The following TMC1 variants were observed in gnomAD, a reference collection of about 807,000 sequenced individuals.
The protein encoded by TMC1 is transmembrane channel like 1, also known as transmembrane channel-like protein 1.
A neutral mutation model predicts 105.8 loss-of-function variants in TMC1; 84 were observed. The observed-to-expected ratio is 0.79, with a 90% CI of 0.67 to 0.95. TMC1 has a LOEUF of 0.95. Ranked by LOEUF, TMC1 falls within the 40% of genes least tolerant of loss-of-function variation. The pLI is 0.00. For synonymous variants in TMC1, 315 were observed against 311.5 expected, an observed-to-expected ratio of 1.01 and a Z score of -0.12; for missense variants, 817 against 914.1, an observed-to-expected ratio of 0.89 and a Z score of 1.37.
chr9:72,733,994 A>C (rs1564520622), intron 8 of TMC1, among the ~76,000 whole-genome samples: 1 of 152,198 alleles, frequency 6.6e-6, no homozygotes, highest in Non-Finnish European at 1.5e-5. Context: ...GGTTACTGGA[A>C]CATAAGCATT....
At chr9:72,692,772 C>T (rs1196679971) in intron 6 of TMC1, among the ~76,000 whole-genome samples, 1 of 152,022 alleles carries the variant, frequency 6.6e-6, no homozygotes, top group African/African-American at 2.4e-5. Context: ...AACAGAAACT[C>T]GTTCTTGATT....
rs11378545 is a variant in TMC1 at position 72,700,275 on chromosome 9, G to GA, written c.237-236dup. On this transcript the variant is annotated intron_variant, in intron 7 of 23. Coordinates refer to ENST00000297784, the MANE Select transcript of TMC1 (RefSeq NM_138691.3). Reference sequence around the variant, plus strand: ...TCAAAAAAAAAAAAAGAAAAGAAAAGAAAAAAACAGAATGGCTTAGATTCA... The same window carrying GA: ...TCAAAAAAAAAAAAAGAAAAGAAAAGAAAAAAAACAGAATGGCTTAGATTCA... Among the ~76,000 whole-genome samples the GA allele has an allele frequency of 3.9e-3, 588 of 150,592 alleles. 6 individuals are homozygous for GA. The highest frequency in any genetic ancestry group is 0.014 in the African/African-American group (566 of 41,058).
At chr9:72,683,664 T>C (rs1826325534) in intron 5 of TMC1, among the ~76,000 whole-genome samples, 1 of 144,378 alleles carries the variant, frequency 6.9e-6, no homozygotes, top group African/African-American at 2.5e-5. Context: ...AATTTCACTT[T>C]ATCTTAAAAG....
chr9:72,830,014 G>A (rs1360761164), intron 21 of TMC1, among the ~76,000 whole-genome samples: 9 of 152,176 alleles, frequency 5.9e-5, no homozygotes, highest in African/African-American at 9.7e-5. Context: ...GCCAAAGGAC[G>A]AAATTTAAGG....
chr9:72,651,013 T>A (rs963798055), intron 5 of TMC1, among the ~76,000 whole-genome samples: 29 of 146,740 alleles, frequency 2.0e-4, no homozygotes, highest in Admixed American at 5.5e-4. Context: ...ACATAAGACA[T>A]AATCTCGTTC....
intron 19 of TMC1, 45 bp from the exon 20 acceptor site, chr9:72,820,797 T>C: frequency 6.2e-7 from 1 of 1,612,448 alleles, no homozygotes; most frequent in Non-Finnish European, 8.5e-7. Flanking sequence ...GACTTTGTTA[T>C]GGAGTAAAGA....
chr9:72,524,253 T>A (rs1292573108), intron 1 of TMC1, among the ~76,000 whole-genome samples: 1 of 152,192 alleles, frequency 6.6e-6, no homozygotes, highest in Non-Finnish European at 1.5e-5. Context: ...TGTAGAAATT[T>A]GTGCCTTTAT....
At chr9:72,597,295 G>A (rs1194904219) in intron 2 of TMC1, among the ~76,000 whole-genome samples, 1 of 152,198 alleles carries the variant, frequency 6.6e-6, no homozygotes, top group Non-Finnish European at 1.5e-5. Flanking sequence ...CCATGCCCTT[G>A]CCAAGCAGGT....
intron 1 of TMC1, among the ~76,000 whole-genome samples, chr9:72,576,162 C>T (rs1824376358): frequency 1.3e-5 from 2 of 152,290 alleles, no homozygotes; most frequent in African/African-American, 4.8e-5. Context: ...CTCTAGAAAA[C>T]AGCTCTAATG....
chr9:72,790,376 C>G (rs926969895), intron 15 of TMC1, among the ~76,000 whole-genome samples: 1 of 152,058 alleles, frequency 6.6e-6, no homozygotes, highest in South Asian at 2.1e-4. Flanking sequence ...ATTTTAAAGA[C>G]TTTAATATAC....
chr9:72,544,388 C>T (rs1047518913), intron 1 of TMC1, among the ~76,000 whole-genome samples: 5 of 152,012 alleles, frequency 3.3e-5, no homozygotes, highest in Non-Finnish European at 5.9e-5. Context: ...TTCAAACACC[C>T]CACATTCTTT....
intron 1 of TMC1, among the ~76,000 whole-genome samples, chr9:72,526,765 C>T (rs1372936519): frequency 6.6e-6 from 1 of 152,114 alleles, no homozygotes; most frequent in Admixed American, 6.5e-5. Context: ...AGAGCACCAC[C>T]CCCTGCTTCT....
intron 13 of TMC1, among the ~76,000 whole-genome samples, chr9:72,773,063 A>G (rs1389405253): frequency 6.6e-6 from 1 of 152,170 alleles, no homozygotes; most frequent in Non-Finnish European, 1.5e-5. Flanking sequence ...TCAACTGTAT[A>G]ATCATGGTTT....
At chr9:72,615,102 C>G (rs181265785) in intron 2 of TMC1, among the ~76,000 whole-genome samples, 108 of 152,242 alleles carry the variant, frequency 7.1e-4, no homozygotes, top group African/African-American at 2.5e-3. Context: ...CAACATTAAA[C>G]CAAAATTAAA....
intron 8 of TMC1, among the ~76,000 whole-genome samples, chr9:72,736,855 T>A (rs1182092382): frequency 6.6e-6 from 1 of 152,142 alleles, no homozygotes; most frequent in African/African-American, 2.4e-5. Flanking sequence ...AAAATGGGGA[T>A]AGGCACACAA....
rs137913815 is a variant in TMC1, at chr9:72,804,922, A to T, written c.1567-460A>T. ...TTCTTCTGTGAATTTTTAATTTGTG[A>T]CTTTTGCTGGTTTCTTTCTTTATTG... On this transcript the variant is annotated intron_variant, in intron 17 of 23. Coordinates refer to ENST00000297784, the MANE Select transcript of TMC1 (RefSeq NM_138691.3). Among the ~76,000 whole-genome samples the T allele has an allele frequency of 5.7e-3, 870 of 152,208 alleles. 6 individuals are homozygous for T. Among genetic ancestry groups the T allele is most frequent in the African/African-American group, 0.02 (833 of 41,514 alleles).
intron 5 of TMC1, among the ~76,000 whole-genome samples, chr9:72,654,981 C>T (rs754739909): frequency 2.0e-5 from 3 of 152,002 alleles, no homozygotes; most frequent in Non-Finnish European, 4.4e-5. Context: ...ATGGTTTGGC[C>T]CTGTGTCTCC....
intron 4 of TMC1, among the ~76,000 whole-genome samples, chr9:72,639,288 T>C (rs1037482555): frequency 2.0e-5 from 3 of 152,280 alleles, no homozygotes; most frequent in Admixed American, 6.5e-5. Context: ...ATTTCCATAA[T>C]GTATGGAAAG....
intron 1 of TMC1, among the ~76,000 whole-genome samples, chr9:72,526,373 A>G (rs150463704): frequency 2.6e-5 from 4 of 152,344 alleles, no homozygotes; most frequent in African/African-American, 9.6e-5. Flanking sequence ...GAACACAGTA[A>G]AAAACCCTCA....
Sources: allele counts gnomAD v4.1 joint callset (sites outside exome capture counted in the v4.1 genomes callset), GRCh38; gene constraint gnomAD v4.1.1; transcripts MANE v1.5; gene names NCBI Gene and HGNC (gene_info 2026-07-23, HGNC 2026-07-21).